Variants in PREP observed in about 807,000 individuals in gnomAD.
The protein encoded by PREP is prolyl endopeptidase, also known as dJ355L5.1 (prolyl endopeptidase).
A neutral mutation model predicts 87.6 loss-of-function variants in PREP; 29 were observed. The ratio of observed to expected loss-of-function variants is 0.33; its 90% CI spans 0.25 to 0.45. The LOEUF (loss-of-function observed/expected upper bound fraction) is 0.45, where lower values mean the gene tolerates loss of function less well. Among genes scored for constraint, PREP ranks in the 20% least tolerant of loss-of-function variants. The probability of loss-of-function intolerance (pLI) is 1.00; values close to 1 mark genes in which losing one functional copy is unlikely to be tolerated. For missense variants in PREP, 695 were observed against 886.5 expected, an observed-to-expected ratio of 0.78 and a Z score of 2.74; for synonymous variants, 337 against 328.6, an observed-to-expected ratio of 1.03 and a Z score of -0.28.
intron 2 of PREP, among the ~76,000 whole-genome samples, chr6:105,393,110 A>G (rs971050714): frequency 6.6e-5 from 10 of 152,234 alleles, no homozygotes; most frequent in Non-Finnish European, 1.2e-4. Context: ...TTATTAGCAT[A>G]TACACAAAGG....
rs1771466512 is a variant in PREP at position 105,335,980 on chromosome 6, G to A, written c.824-2475C>T. Among the ~76,000 whole-genome samples, 3 of 152,320 alleles carry A rather than the reference G, an allele frequency of 2.0e-5. 1 individual carries two copies. The East Asian group carries it at 5.8e-4, about 29-fold the overall frequency. Reference sequence around the variant, plus strand: ...AATTTAAAATAAGTGATTTGAGGCTGGCTATGGTGGCTCACATCTGTAATC... The same window carrying A: ...AATTTAAAATAAGTGATTTGAGGCTAGCTATGGTGGCTCACATCTGTAATC... On this transcript the variant is annotated intron_variant, in intron 7 of 14. Transcript: ENST00000652536.
intron 14 of PREP, among the ~76,000 whole-genome samples, chr6:105,279,943 A>AAATATATAGCTTCTACCAATGTGTG (rs1770043010): frequency 6.6e-6 from 1 of 152,148 alleles, no homozygotes. Flanking sequence ...TTCCTTCTTC[A>AAATATATAGCTTCTACCAATGTGTG]AATATATAGC....
At chr6:105,401,079 T>C (rs988753379) in intron 1 of PREP, among the ~76,000 whole-genome samples, 2 of 152,214 alleles carry the variant, frequency 1.3e-5, no homozygotes, top group African/African-American at 4.8e-5. Context: ...ATGAGTTGCT[T>C]AATGAGAAGG....
intron 9 of PREP, among the ~76,000 whole-genome samples, chr6:105,325,056 A>G (rs1439473529): frequency 6.6e-6 from 1 of 152,222 alleles, no homozygotes; most frequent in African/African-American, 2.4e-5. Flanking sequence ...ATTCTAATTT[A>G]CCAGATATAA....
chr6:105,296,676 T>A (rs1770419235), intron 10 of PREP, among the ~76,000 whole-genome samples: 1 of 152,262 alleles, frequency 6.6e-6, no homozygotes, highest in Non-Finnish European at 1.5e-5. Flanking sequence ...TTTGAATGGT[T>A]CCTTTCCAGG....
chr6:105,401,467 T>C (rs1352122433), intron 1 of PREP, among the ~76,000 whole-genome samples: 1 of 152,182 alleles, frequency 6.6e-6, no homozygotes, highest in Non-Finnish European at 1.5e-5. Flanking sequence ...ATTTCTCATA[T>C]GAGAAAAAAG....
At position 105,288,960 on chromosome 6, in the gene PREP, G is replaced by A. The variant is rs978369979; in HGVS notation, c.1318-66C>T. The A allele has an allele frequency of 6.1e-6, 9 of 1,468,184 alleles. No individual in the cohort carries two copies. The East Asian group carries it at 1.8e-4, about 30-fold the overall frequency. 90.9% of individuals were successfully genotyped at this position (1,468,184 alleles called of 1,614,324 possible). A position where few individuals can be genotyped will look rare whatever the true frequency, so the allele number is the denominator to read the frequency against. ...TAGTAGATACTGCGTGCTTTTAAATGGGAAAAATAGTAAATTCTCTCTTCA... is the reference window on the plus strand; with the variant it reads ...TAGTAGATACTGCGTGCTTTTAAATAGGAAAAATAGTAAATTCTCTCTTCA... On this transcript the variant is annotated intron_variant, in intron 10 of 14. Transcript: ENST00000652536.
chr6:105,313,566 G>A (rs115284402), intron 10 of PREP, among the ~76,000 whole-genome samples: 5 of 152,346 alleles, frequency 3.3e-5, no homozygotes, highest in African/African-American at 9.6e-5. Flanking sequence ...TAGATGGCCT[G>A]CTAATCCTAT....
chr6:105,281,993 A>G (rs1286961089), intron 13 of PREP, 91 bp from the exon 14 acceptor site: 38 of 1,453,742 alleles, frequency 2.6e-5, no homozygotes, highest in Non-Finnish European at 3.1e-5. Flanking sequence ...ACATGCTTCC[A>G]GAGCCCTGGT....
rs141290429 is a variant in PREP at position 105,275,563 on chromosome 6, C to T, written c.*2581G>A. Among the ~76,000 whole-genome samples the T allele has an allele frequency of 4.6e-5, 7 of 152,282 alleles. No homozygotes were observed. Among genetic ancestry groups the T allele is most frequent in the African/African-American group, 7.2e-5 (3 of 41,542 alleles). On this transcript the variant is annotated 3_prime_UTR_variant, in exon 15 of 15. Coordinates refer to ENST00000652536, the MANE Select transcript of PREP (RefSeq NM_002726.5). ...ACTAAACATATAAGTCCTCTGTGAT[C>T]GAGCAATTCCACTACTGGGTATGAA... is the stretch of plus-strand genomic sequence containing the variant.
intron 6 of PREP, among the ~76,000 whole-genome samples, chr6:105,358,614 C>G (rs1772163014): frequency 6.6e-6 from 1 of 152,160 alleles, no homozygotes; most frequent in South Asian, 2.1e-4. Context: ...GCCACACCCC[C>G]ATGCTTCTTC....
intron 9 of PREP, 27 bp from the exon 10 acceptor site, chr6:105,323,795 A>C: frequency 6.4e-7 from 1 of 1,561,070 alleles, no homozygotes; most frequent in Non-Finnish European, 8.8e-7. Context: ...GGCTTGGTTT[A>C]GTCTACGGGA....
intron 13 of PREP, 48 bp from the exon 14 acceptor site, chr6:105,281,950 A>G: frequency 6.3e-6 from 10 of 1,597,872 alleles, no homozygotes; most frequent in Middle Eastern, 1.7e-4. Context: ...ATCATTAAAC[A>G]TCTACATAAA....
intron 7 of PREP, among the ~76,000 whole-genome samples, chr6:105,339,758 C>T (rs537525824): frequency 2.0e-5 from 3 of 152,034 alleles, no homozygotes; most frequent in African/African-American, 4.8e-5. Context: ...CTTCAGTAGC[C>T]GATTCGATCA....
intron 10 of PREP, among the ~76,000 whole-genome samples, chr6:105,301,482 A>C (rs1770537939): frequency 6.6e-6 from 1 of 152,206 alleles, no homozygotes; most frequent in South Asian, 2.1e-4. Flanking sequence ...ACTTAGAGGG[A>C]GGCATTACAT....
intron 10 of PREP, chr6:105,323,055 C>T (rs1348536332): frequency 8.4e-6 from 11 of 1,303,970 alleles, no homozygotes; most frequent in South Asian, 7.4e-5. Context: ...AGACATTCTT[C>T]GTCATCATCA....
At chr6:105,348,382 C>T (rs1207782097) in intron 7 of PREP, among the ~76,000 whole-genome samples, 1 of 152,200 alleles carries the variant, frequency 6.6e-6, no homozygotes, top group South Asian at 2.1e-4. Context: ...ACACGTCATT[C>T]GAGACAAGCT....
At chr6:105,373,037 G>A (rs535163434) in intron 5 of PREP, among the ~76,000 whole-genome samples, 4 of 152,296 alleles carry the variant, frequency 2.6e-5, no homozygotes, top group South Asian at 2.1e-4. Context: ...TCTGCTAGTC[G>A]TCCCAGCTGA....
At chr6:105,302,438 T>C (rs565982635) in intron 10 of PREP, 15 of 242,750 alleles carry the variant, frequency 6.2e-5, no homozygotes, top group African/African-American at 3.2e-4. Flanking sequence ...CTCTCTTTTA[T>C]TGACAATGTG....
Sources: gnomAD v4.1 joint callset for allele counts (sites outside exome capture counted in the v4.1 genomes callset) on GRCh38, gnomAD v4.1.1 for gene constraint, MANE v1.5 for transcripts, NCBI Gene and HGNC (gene_info 2026-07-23, HGNC 2026-07-21) for gene names.